Variants in LRRC56 observed in about 807,000 individuals in gnomAD.
LRRC56 encodes the protein leucine-rich repeat-containing protein 56.
In LRRC56, 41 loss-of-function variants were observed where a neutral mutation model predicts 47.8. That is an observed-to-expected ratio of 0.86 (90% CI 0.67 to 1.11). LRRC56 has a LOEUF of 1.11. Ranked by LOEUF, LRRC56 falls within the 50% of genes most tolerant of loss-of-function variation. The pLI, the probability that LRRC56 is intolerant of heterozygous loss-of-function variation, is 0.00. For missense variants in LRRC56, 759 were observed against 704.2 expected (o/e 1.08, Z -0.88); for synonymous variants, 387 against 311.2 (o/e 1.24, Z -2.56).
At chr11:532,111 CT>C in the LRRC56 span, 607 of 227,572 alleles carry the variant, frequency 2.7e-3, 3 homozygotes, top group African/African-American at 0.013. Flanking sequence ...GCCCAGACCC[CT>C]GACCGGCCTC....
At chr11:546,493 A>C (rs1020715819) in intron 6 of LRRC56, among the ~76,000 whole-genome samples, 1 of 151,996 alleles carries the variant, frequency 6.6e-6, no homozygotes, top group Non-Finnish European at 1.5e-5. Context: ...GCGTGAACCC[A>C]GGAGGCGGAG....
At chr11:515,833 A>G in the LRRC56 span, among the ~76,000 whole-genome samples, 72 of 152,284 alleles carry the variant, frequency 4.7e-4, no homozygotes, top group Middle Eastern at 6.8e-3. Context: ...GTGAGACTCC[A>G]TCTCAAAAAA....
At position 554,006 on chromosome 11, in the gene LRRC56, C is replaced by G; in HGVS notation, c.1359C>G (p.Pro453=). The G allele has an allele frequency of 3.1e-6, 5 of 1,612,334 alleles. No individual in the cohort carries two copies. The highest frequency in any genetic ancestry group is 1.1e-5 in the South Asian group (1 of 91,084). Residue 453 remains proline (P), a synonymous_variant, in exon 14 of 14, where the codon CCC becomes CCG. Coordinates refer to ENST00000270115, the MANE Select transcript of LRRC56 (RefSeq NM_198075.4). ...TSSQHLVPSP[P]KHPRPRDSGS... ...GCCAGCACCTGGTCCCTTCACCTCC[C>G]AAGCACCCAAGGCCACGAGATTCTG...
intron 8 of LRRC56, among the ~76,000 whole-genome samples, chr11:550,534 C>T (rs1852329957): frequency 6.6e-6 from 1 of 152,222 alleles, no homozygotes; most frequent in African/African-American, 2.4e-5. Flanking sequence ...GAGGTCCACA[C>T]ATAAGCCACG....
upstream of LRRC56, among the ~76,000 whole-genome samples, chr11:536,456 T>G (rs1282354031): frequency 6.6e-6 from 1 of 152,172 alleles, no homozygotes; most frequent in Non-Finnish European, 1.5e-5. Context: ...TGCAAAGGAA[T>G]CAGAAATACA....
the LRRC56 span, among the ~76,000 whole-genome samples, chr11:517,024 A>G: frequency 3.9e-5 from 6 of 152,076 alleles, no homozygotes; most frequent in East Asian, 7.8e-4. Flanking sequence ...TGGTTTTTGT[A>G]TTTTTGGAGG....
upstream of LRRC56, chr11:537,186 C>G (rs1564794114): frequency 1.3e-5 from 2 of 152,272 alleles, no homozygotes; most frequent in South Asian, 4.1e-4. Flanking sequence ...ACCGCCTTTA[C>G]CCGCCCCGCG....
At chr11:529,813 G>T in the LRRC56 span, 16 of 152,194 alleles carry the variant, frequency 1.1e-4, no homozygotes, top group Non-Finnish European at 2.2e-4. Flanking sequence ...TCAAGGGGAG[G>T]AGCTGGCTCT....
upstream of LRRC56, chr11:533,319 A>G: frequency 6.2e-7 from 1 of 1,603,064 alleles, no homozygotes; most frequent in Non-Finnish European, 8.5e-7. Context: ...GGGGGGTCCC[A>G]GAGGGTCCCG....
intron 12 of LRRC56, 135 bp from the exon 13 acceptor site, chr11:552,434 C>T (rs1450323713): frequency 1.7e-6 from 2 of 1,159,646 alleles, no homozygotes; most frequent in Admixed American, 4.9e-5. Flanking sequence ...CCTGTGTGTC[C>T]TGTCCCGTGG....
chr11:513,225 G>A, the LRRC56 span, among the ~76,000 whole-genome samples: 8 of 152,174 alleles, frequency 5.3e-5, no homozygotes, highest in South Asian at 1.2e-3. Flanking sequence ...GCGCAATCTC[G>A]GCTCACTGCA....
At chr11:546,146 T>C (rs1478321356) in intron 6 of LRRC56, among the ~76,000 whole-genome samples, 1 of 152,132 alleles carries the variant, frequency 6.6e-6, no homozygotes, top group Admixed American at 6.6e-5. Flanking sequence ...GGCACATGCC[T>C]GTAACCCCAG....
At chr11:517,451 C>T in the LRRC56 span, among the ~76,000 whole-genome samples, 10 of 151,694 alleles carry the variant, frequency 6.6e-5, no homozygotes, top group East Asian at 5.9e-4. Flanking sequence ...TCTGCCCGAC[C>T]GCCCCACCTG....
chr11:533,265 CG>C, upstream of LRRC56: 1 of 1,573,772 alleles, frequency 6.4e-7, no homozygotes. Flanking sequence ...CCTGCCGTCC[CG>C]GGAGACTTAC....
upstream of LRRC56, chr11:534,086 G>A (rs1049316573): frequency 1.7e-6 from 2 of 1,154,738 alleles, no homozygotes; most frequent in Non-Finnish European, 2.6e-6. Flanking sequence ...CCCTCCTCTA[G>A]AGGAAGCAGG....
chr11:518,641 T>C, the LRRC56 span, among the ~76,000 whole-genome samples: 3 of 152,110 alleles, frequency 2.0e-5, no homozygotes, highest in Admixed American at 1.3e-4. Flanking sequence ...ACTTTATTAC[T>C]TGGAGACCGT....
the LRRC56 span, among the ~76,000 whole-genome samples, chr11:520,612 C>T: frequency 6.6e-6 from 1 of 152,186 alleles, no homozygotes; most frequent in Non-Finnish European, 1.5e-5. Context: ...AGCCACCGCG[C>T]CCGGCCTAGT....
upstream of LRRC56, chr11:537,466 G>C (rs112360405): frequency 6.6e-6 from 1 of 152,206 alleles, no homozygotes; most frequent in South Asian, 2.1e-4. Flanking sequence ...TTCAAATGAG[G>C]CCTGGCTCCC....
chr11:544,941 C>A (rs879654521), intron 6 of LRRC56, among the ~76,000 whole-genome samples, 161 bp downstream of exon 6: 17 of 151,900 alleles, frequency 1.1e-4, no homozygotes, highest in Non-Finnish European at 1.8e-4. Context: ...TGCCTGACCC[C>A]ACGTGACCCT....
Sources: gnomAD v4.1 joint callset for allele counts (sites outside exome capture counted in the v4.1 genomes callset) on GRCh38, gnomAD v4.1.1 for gene constraint, MANE v1.5 for transcripts, NCBI Gene and HGNC (gene_info 2026-07-23, HGNC 2026-07-21) for gene names.